NRG1: variants seen among roughly 807,000 people sequenced by gnomAD.
The protein encoded by NRG1 is pro-neuregulin-1, membrane-bound isoform.
Under a neutral mutation model 63.8 loss-of-function variants are expected in NRG1, and 18 were observed. The observed-to-expected ratio is 0.28, with a 90% confidence interval of 0.19 to 0.42. The LOEUF is 0.42. NRG1 is among the 10% of genes least tolerant of loss of function. The pLI is 1.00. For missense variants in NRG1, 762 were observed against 814.7 expected, an observed-to-expected ratio of 0.94 and a Z score of 0.79; for synonymous variants, 302 against 301.3, an observed-to-expected ratio of 1.00 and a Z score of -0.02.
At chr8:31,866,619 TAG>T (rs1828987749) in intron 1 of NRG1, among the ~76,000 whole-genome samples, 1 of 152,112 alleles carries the variant, frequency 6.6e-6, no homozygotes, top group African/African-American at 2.4e-5. Flanking sequence ...ACAAGTGTAT[TAG>T]AGAGTTTATT....
At chr8:32,276,144 C>A (rs1364055438) in intron 1 of NRG1, among the ~76,000 whole-genome samples, 1 of 152,136 alleles carries the variant, frequency 6.6e-6, no homozygotes, top group Non-Finnish European at 1.5e-5. Flanking sequence ...AATTCATTCA[C>A]CCTATCTAGC....
intron 5 of NRG1, among the ~76,000 whole-genome samples, chr8:32,671,723 A>G (rs992068708): frequency 6.6e-6 from 1 of 152,200 alleles, no homozygotes; most frequent in Non-Finnish European, 1.5e-5. Flanking sequence ...CATTGATTAA[A>G]TCATTAGTAT....
chr8:32,646,969 TG>T, intron 5 of NRG1: 1 of 980,382 alleles, frequency 1.0e-6, no homozygotes, highest in Non-Finnish European at 1.2e-6. Flanking sequence ...AGAAAGAGAC[TG>T]AAGCAGAGAA....
intron 1 of NRG1, among the ~76,000 whole-genome samples, chr8:32,465,762 C>A (rs1019297522): frequency 6.6e-6 from 1 of 152,096 alleles, no homozygotes; most frequent in Non-Finnish European, 1.5e-5. Flanking sequence ...CAGAAAAAGT[C>A]CAACATTATG....
chr8:32,029,236 C>T (rs1175942491), intron 1 of NRG1: 2 of 152,144 alleles, frequency 1.3e-5, no homozygotes, highest in Non-Finnish European at 1.5e-5. Flanking sequence ...ATGTTATGCA[C>T]AATTTTGTGG....
At chr8:32,585,952 C>T (rs181353235) in intron 1 of NRG1, among the ~76,000 whole-genome samples, 13 of 152,170 alleles carry the variant, frequency 8.5e-5, no homozygotes, top group East Asian at 5.8e-4. Flanking sequence ...GTATACCAGC[C>T]GTGTGACTAT....
intron 5 of NRG1, among the ~76,000 whole-genome samples, chr8:32,670,181 T>A (rs947054780): frequency 2.6e-5 from 4 of 152,236 alleles, no homozygotes; most frequent in African/African-American, 9.6e-5. Flanking sequence ...AAACCTGTTA[T>A]GCTACAGGAC....
chr8:32,502,308 A>G (rs1827952430), intron 1 of NRG1, among the ~76,000 whole-genome samples: 1 of 150,958 alleles, frequency 6.6e-6, no homozygotes, highest in South Asian at 2.1e-4. Context: ...TATCATGAGT[A>G]CAGTACCAAG....
intron 1 of NRG1, among the ~76,000 whole-genome samples, chr8:31,679,125 C>G (rs1187104153): frequency 1.3e-5 from 2 of 152,046 alleles, no homozygotes; most frequent in Non-Finnish European, 2.9e-5. Flanking sequence ...CATGAAGGCT[C>G]TTGTTCCAGA....
At chr8:32,294,181 C>A (rs998759953) in intron 1 of NRG1, among the ~76,000 whole-genome samples, 3 of 151,984 alleles carry the variant, frequency 2.0e-5, no homozygotes, top group African/African-American at 7.2e-5. Context: ...TCCCCAAGTC[C>A]TCCCCCTGCT....
intron 1 of NRG1, among the ~76,000 whole-genome samples, chr8:31,898,365 A>G (rs1335965292): frequency 6.6e-6 from 1 of 152,204 alleles, no homozygotes; most frequent in Non-Finnish European, 1.5e-5. Context: ...ATTATTGTGT[A>G]ATTCTCAGAG....
intron 1 of NRG1, among the ~76,000 whole-genome samples, chr8:32,554,321 G>T (rs190359819): frequency 6.6e-6 from 1 of 151,338 alleles, no homozygotes; most frequent in Non-Finnish European, 1.5e-5. Flanking sequence ...TGTTTTAATG[G>T]GTTAAAAAAA....
chr8:31,807,946 C>CGTGT (rs1491467747), intron 1 of NRG1, among the ~76,000 whole-genome samples: 9 of 69,392 alleles, frequency 1.3e-4, no homozygotes, highest in African/African-American at 3.0e-4. Context: ...CAAGAGTATT[C>CGTGT]GCGTGTGTGT....
At chr8:32,331,450 G>A (rs771204685) in intron 1 of NRG1, among the ~76,000 whole-genome samples, 22 of 151,788 alleles carry the variant, frequency 1.4e-4, no homozygotes, top group Middle Eastern at 6.9e-3. Flanking sequence ...AGGATTGCTA[G>A]AGGCTGGGAT....
chr8:32,661,518 T>C (rs1380191312), intron 5 of NRG1, among the ~76,000 whole-genome samples: 1 of 152,036 alleles, frequency 6.6e-6, no homozygotes, highest in Non-Finnish European at 1.5e-5. Flanking sequence ...ACTTTACTCA[T>C]GGGGAAACTA....
At chr8:31,656,329 C>T (rs1435016937) in intron 1 of NRG1, among the ~76,000 whole-genome samples, 1 of 152,154 alleles carries the variant, frequency 6.6e-6, no homozygotes, top group Non-Finnish European at 1.5e-5. Context: ...AGAGCCCAAA[C>T]CAGGACTTTT....
At chr8:32,618,582 G>T (rs1205795291) in intron 5 of NRG1, among the ~76,000 whole-genome samples, 1 of 152,098 alleles carries the variant, frequency 6.6e-6, no homozygotes, top group East Asian at 1.9e-4. Context: ...GAAGCTTTGT[G>T]TACCATGATA....
intron 1 of NRG1, among the ~76,000 whole-genome samples, chr8:32,044,913 C>CAAAAAAAAAAAAAAAAACAAAAAAA (rs1820709180): frequency 1.8e-5 from 1 of 57,120 alleles, no homozygotes; most frequent in African/African-American, 6.9e-5. Context: ...TAAAGAAAAG[C>CAAAAAAAAAAAAAAAAACAAAAAAA]AAAAAAAAAA....
At chr8:32,545,959 GA>G (rs943912903), upstream of NRG1, among the ~76,000 whole-genome samples, 2 of 151,894 alleles carry the variant, frequency 1.3e-5, no homozygotes, top group Non-Finnish European at 2.9e-5. Context: ...TCAAACCAAG[GA>G]AAAACAATTA....
Sources: allele counts gnomAD v4.1 joint callset (sites outside exome capture counted in the v4.1 genomes callset), GRCh38; gene constraint gnomAD v4.1.1; transcripts MANE v1.5; gene names NCBI Gene and HGNC (gene_info 2026-07-23, HGNC 2026-07-21).